The following IGSF9B variants were observed in gnomAD, a reference collection of about 807,000 sequenced individuals.
IGSF9B encodes protein turtle homolog B.
IGSF9B carries 48 observed loss-of-function variants against 143.7 expected under a neutral mutation model. That is an observed-to-expected ratio of 0.33 (90% CI 0.26 to 0.42). The LOEUF (loss-of-function observed/expected upper bound fraction) is 0.42, where lower values mean the gene tolerates loss of function less well. Ranked by LOEUF, IGSF9B falls within the 20% of genes least tolerant of loss-of-function variation. IGSF9B has a pLI of 1.00. For synonymous variants in IGSF9B, 903 were observed against 833.1 expected (o/e 1.08, Z -1.44); for missense variants, 1,706 against 1,980.0 (o/e 0.86, Z 2.63).
intron 7 of IGSF9B, among the ~76,000 whole-genome samples, chr11:133,934,015 C>T (rs1458598365): frequency 1.3e-5 from 2 of 149,680 alleles, no homozygotes; most frequent in African/African-American, 4.9e-5. Context: ...GTTTTCAAAG[C>T]GTTTATGAAT....
chr11:133,947,060 A>T (rs1051448012), intron 1 of IGSF9B, among the ~76,000 whole-genome samples: 1 of 152,154 alleles, frequency 6.6e-6, no homozygotes, highest in African/African-American at 2.4e-5. Flanking sequence ...GCAGAGGAAA[A>T]CGAAATCAGA....
At chr11:133,910,758 A>T (rs1447403226) in intron 19 of IGSF9B, among the ~76,000 whole-genome samples, 2 of 152,238 alleles carry the variant, frequency 1.3e-5, no homozygotes, top group African/African-American at 4.8e-5. Context: ...CATCAGAACA[A>T]GAGACAATGC....
chr11:133,954,412 TGA>T (rs1368924162), intron 1 of IGSF9B, among the ~76,000 whole-genome samples: 1 of 152,142 alleles, frequency 6.6e-6, no homozygotes, highest in African/African-American at 2.4e-5. Context: ...TCTTACTTCC[TGA>T]CACAGGCAGC....
chr11:133,937,626 G>A, intron 4 of IGSF9B, 133 bp from the exon 5 acceptor site: 1 of 995,174 alleles, frequency 1.0e-6, no homozygotes. Flanking sequence ...GGGACACGAA[G>A]GGCAGGTGCC....
In IGSF9B at chr11:133,904,831, C is replaced by CT. The variant is rs1264336349; in HGVS notation, c.*4237dup. ...CCACCCTCCAGTTCTCCAACTCCCCCTCCTGAAACACCAGTGCCCCATCCA... is the reference window on the plus strand; with the variant it reads ...CCACCCTCCAGTTCTCCAACTCCCCCTTCCTGAAACACCAGTGCCCCATCCA... On this transcript the variant is annotated 3_prime_UTR_variant, in exon 20 of 20. Coordinates refer to ENST00000533871, the MANE Select transcript of IGSF9B (RefSeq NM_001277285.4). Among the ~76,000 whole-genome samples, 4 of 151,664 alleles carry CT rather than the reference C, an allele frequency of 2.6e-5. No individual in the cohort carries two copies. Among genetic ancestry groups the CT allele is most frequent in the Non-Finnish European group, 2.9e-5 (2 of 67,962 alleles).
In IGSF9B at chr11:133,920,055, G is replaced by A; in HGVS notation, c.3670C>T (p.Pro1224Ser). ...GSPELAARAR[P>S]RPGLLQQAEM... ...GCCTGCTGCAGGAGGCCCGGGCGAG[G>A]CCGGGCACGGGCGGCGAGCTCAGGG... The change falls in exon 18 of 20, where the codon CCT (proline) becomes TCT (serine). Residue 1224 changes from proline (P) to serine (S), a missense_variant. Transcript: ENST00000533871. 1 of 1,552,828 alleles carries A rather than the reference G, an allele frequency of 6.4e-7. No homozygotes were observed. The highest frequency in any genetic ancestry group is 8.7e-7 in the Non-Finnish European group (1 of 1,151,650).
intron 18 of IGSF9B, among the ~76,000 whole-genome samples, chr11:133,915,709 C>A (rs905048056): frequency 1.7e-4 from 26 of 152,222 alleles, no homozygotes; most frequent in African/African-American, 6.3e-4. Context: ...AAACCCCCTG[C>A]ATATTTCCTT....
chr11:133,945,402 G>A lies in IGSF9B; in HGVS notation c.262+659C>T, dbSNP rs1280396661. ...GCCACCAGCAAAGATGAAAGTGAAGGCAGTGCCCTGCCTGCTTCCTCCCTT... is the reference window on the plus strand; with the variant it reads ...GCCACCAGCAAAGATGAAAGTGAAGACAGTGCCCTGCCTGCTTCCTCCCTT... On this transcript the variant is annotated intron_variant, in intron 2 of 19. Coordinates refer to ENST00000533871, the MANE Select transcript of IGSF9B (RefSeq NM_001277285.4). The surrounding 1 kb of genome is among the most constrained non-coding windows in gnomAD (Gnocchi z 4.6). 1.3e-5 allele frequency among the ~76,000 whole-genome samples: 2 copies of A among 152,190 alleles called. No homozygotes were observed. The highest frequency in any genetic ancestry group is 2.9e-5 in the Non-Finnish European group (2 of 68,034).
chr11:133,950,315 C>A (rs1282896923), intron 1 of IGSF9B, among the ~76,000 whole-genome samples: 1 of 152,242 alleles, frequency 6.6e-6, no homozygotes, highest in Non-Finnish European at 1.5e-5. Flanking sequence ...CATCAGCTGG[C>A]ATGCAAGCCT....
rs555494059 is a variant in IGSF9B, at chr11:133,910,450, G to C, written c.4106-1173C>G. On this transcript the variant is annotated intron_variant, in intron 19 of 19. Transcript: ENST00000533871. The stretch of plus-strand genomic sequence containing the variant: ...ATATGTTGCAAAGGCTGAGCTAACA[G>C]GCATTACCTAGCGGGCTCGACGTAA... Among the ~76,000 whole-genome samples the C allele has an allele frequency of 7.9e-5, 12 of 152,320 alleles. No individual in the cohort carries two copies. In the East Asian group the frequency reaches 1.5e-3, roughly 20 times the overall value.
chr11:133,945,003 A>C lies in IGSF9B; in HGVS notation c.263-637T>G, dbSNP rs1940020728. On this transcript the variant is annotated intron_variant, in intron 2 of 19. Transcript: ENST00000533871. The surrounding 1 kb of genome is among the most constrained non-coding windows in gnomAD (Gnocchi z 4.6). ...AGCAGGGCCCAGAAGCCTGAGAACAAGGAATGGGTTGGCCATCAGAGCAAA... is the reference window on the plus strand; with the variant it reads ...AGCAGGGCCCAGAAGCCTGAGAACACGGAATGGGTTGGCCATCAGAGCAAA... Among the ~76,000 whole-genome samples the C allele has an allele frequency of 6.6e-6, 1 of 152,054 alleles. No individual in the cohort carries two copies.
In IGSF9B at chr11:133,945,972, G is replaced by A; in HGVS notation, c.262+89C>T. The A allele has an allele frequency of 1.2e-6, 1 of 827,598 alleles. No homozygotes were observed. The highest frequency in any genetic ancestry group is 1.9e-6 in the Non-Finnish European group (1 of 525,884). 51.3% of individuals were successfully genotyped at this position (827,598 alleles called of 1,614,324 possible). Reference sequence around the variant, plus strand: ...AGACTGGGAAACAGAGATAAAGAGTGGTCAGGACAAGGCAGGGGCCAGAGG... The same window carrying A: ...AGACTGGGAAACAGAGATAAAGAGTAGTCAGGACAAGGCAGGGGCCAGAGG... On this transcript the variant is annotated intron_variant, in intron 2 of 19. Transcript: ENST00000533871. This position sits in a 1 kb window ranked among gnomAD's most constrained non-coding sequence, Gnocchi z 4.6.
At position 133,931,392 on chromosome 11, in the gene IGSF9B, C is replaced by T; in HGVS notation, c.1368+61G>A. 8.0e-7 allele frequency: 1 copy of T among 1,242,994 alleles called. No individual in the cohort carries two copies. The highest frequency in any genetic ancestry group is 2.0e-5 in the Admixed American group (1 of 50,968). The allele number at this position is 1,242,994 out of a possible 1,614,324, so 77.0% of individuals were successfully genotyped here. A position where few individuals can be genotyped will look rare whatever the true frequency, so the allele number is the denominator to read the frequency against. On this transcript the variant is annotated intron_variant, in intron 10 of 19. Transcript: ENST00000533871. The surrounding 1 kb of genome is among the most constrained non-coding windows in gnomAD (Gnocchi z 7.7). ...GCTGGGCCCTCAAACCTCCCCGCAGCCCCAGGGCTCCCTGGGCCCTCACAC... is the reference window on the plus strand; with the variant it reads ...GCTGGGCCCTCAAACCTCCCCGCAGTCCCAGGGCTCCCTGGGCCCTCACAC...
At chr11:133,926,155 G>C (rs1939622135) in intron 13 of IGSF9B, among the ~76,000 whole-genome samples, 190 bp from the exon 14 acceptor site, 1 of 152,216 alleles carries the variant, frequency 6.6e-6, no homozygotes, top group East Asian at 1.9e-4. Context: ...CTGCAAAAGG[G>C]AAGAGAAATG....
At position 133,944,200 on chromosome 11, in the gene IGSF9B, C is replaced by A. The variant is rs1940001758; in HGVS notation, c.409+20G>T. The A allele has an allele frequency of 2.5e-6, 4 of 1,581,568 alleles. No individual in the cohort carries two copies. Among genetic ancestry groups the A allele is most frequent in the South Asian group, 2.4e-5 (2 of 84,490 alleles). ...CACCGTTGATGGTGAGGTGGACCCA[C>A]CCTGGAAGCCGTCACTCACCGTTGA... On this transcript the variant is annotated intron_variant, in intron 3 of 19. Coordinates refer to ENST00000533871, the MANE Select transcript of IGSF9B (RefSeq NM_001277285.4).
chr11:133,942,132 G>C (rs1346484737), intron 3 of IGSF9B, among the ~76,000 whole-genome samples: 1 of 152,162 alleles, frequency 6.6e-6, no homozygotes, highest in African/African-American at 2.4e-5. Context: ...CCTGCTACTA[G>C]ATTTTCATCT....
In IGSF9B at chr11:133,948,421, C is replaced by T. The variant is rs78490253; in HGVS notation, c.65-2163G>A. Among the ~76,000 whole-genome samples, 550 of 152,318 alleles carry T rather than the reference C, an allele frequency of 3.6e-3. 8 individuals are homozygous for T. Among genetic ancestry groups the T allele is most frequent in the Admixed American group, 0.024 (373 of 15,306 alleles). ...CATGCTTCCCAATTTCCCCCACCCC[C>T]AACCTTGCTTCAGGCTAAGTTTGCA... is the stretch of plus-strand genomic sequence containing the variant. On this transcript the variant is annotated intron_variant, in intron 1 of 19. Coordinates refer to ENST00000533871, the MANE Select transcript of IGSF9B (RefSeq NM_001277285.4). This position sits in a 1 kb window ranked among gnomAD's most constrained non-coding sequence, Gnocchi z 4.7.
intron 4 of IGSF9B, 52 bp from the exon 5 acceptor site, chr11:133,937,545 G>T: frequency 1.4e-6 from 2 of 1,415,020 alleles, no homozygotes; most frequent in Non-Finnish European, 2.0e-6. Context: ...ACCCACCGCT[G>T]CTACCCTCAA....
chr11:133,921,578 T>A (rs1484907681), intron 17 of IGSF9B, among the ~76,000 whole-genome samples, 181 bp from the exon 18 acceptor site: 1 of 152,062 alleles, frequency 6.6e-6, no homozygotes, highest in Non-Finnish European at 1.5e-5. Context: ...AATCCTCCTT[T>A]TTTTTTTAAA....
Sources: gnomAD v4.1 joint callset for allele counts (sites outside exome capture counted in the v4.1 genomes callset) on GRCh38, gnomAD v4.1.1 for gene constraint, Gnocchi (gnomAD v3.1) non-coding constraint, MANE v1.5 for transcripts, NCBI Gene and HGNC (gene_info 2026-07-23, HGNC 2026-07-21) for gene names.